ACP6: variants seen among roughly 807,000 people sequenced by gnomAD.
ACP6 encodes lysophosphatidic acid phosphatase type 6.
Under a neutral mutation model 48.1 loss-of-function variants are expected in ACP6, and 48 were observed. The observed-to-expected ratio is 1.00, with a 90% CI of 0.79 to 1.27. The LOEUF is 1.27. Ranked by LOEUF, ACP6 falls within the 50% of genes most tolerant of loss-of-function variation. The pLI is 0.00. For missense variants in ACP6, 485 were observed against 529.1 expected (o/e 0.92, Z 0.82); for synonymous variants, 172 against 204.2 (o/e 0.84, Z 1.34).
rs1659580004 is a variant in ACP6, at chr1:147,645,237, A to C, written c.*2186T>G. On this transcript the variant is annotated 3_prime_UTR_variant, in exon 10 of 10. Coordinates refer to ENST00000583509, the MANE Select transcript of ACP6 (RefSeq NM_016361.5). ...ATTATAATAATTTTATAAAAATATA[A>C]TAATTTTTGTATTTTTAGTAGAGGC... 6.6e-6 allele frequency: 1 copy of C among 151,492 alleles called. No homozygotes were observed. Among genetic ancestry groups the C allele is most frequent in the Non-Finnish European group, 1.5e-5 (1 of 67,912 alleles). The allele number at this position is 151,492 out of a possible 1,614,324, so 9.4% of individuals were successfully genotyped here. A position where few individuals can be genotyped will look rare whatever the true frequency, so the allele number is the denominator to read the frequency against.
At chr1:147,659,808 T>C in intron 1 of ACP6, 33 bp from the exon 2 acceptor site, 2 of 1,608,178 alleles carry the variant, frequency 1.2e-6, no homozygotes, top group Non-Finnish European at 1.7e-6. Flanking sequence ...CCACATTGTT[T>C]AAAAATGGTT....
intron 8 of ACP6, 114 bp from the exon 9 acceptor site, chr1:147,648,525 A>G: frequency 8.1e-7 from 1 of 1,239,056 alleles, no homozygotes; most frequent in South Asian, 1.4e-5. Context: ...TGACATCTAG[A>G]AATCAGCTGA....
In ACP6 at chr1:147,659,463, T is replaced by C. The variant is rs145712419; in HGVS notation, c.412A>G (p.Arg138Gly). The stretch of plus-strand genomic sequence containing the variant: ...TCTTCCACATAGTTCTTCCTCAGTC[T>C]CTCTCCCAAGGCAAACATTTGCTGC... ...GMQQMFALGE[R>G]LRKNYVEDIP... Residue 138 changes from arginine to glycine, a missense_variant, in exon 3 of 10, where the codon AGA (arginine) becomes GGA (glycine). By Grantham distance (125) the Arg-to-Gly change is moderately radical. Transcript: ENST00000583509. 5 of 1,614,056 alleles carry C rather than the reference T, an allele frequency of 3.1e-6. No individual in the cohort carries two copies. Among genetic ancestry groups the C allele is most frequent in the Non-Finnish European group, 4.2e-6 (5 of 1,180,030 alleles).
At chr1:147,657,901 C>T (rs965568893) in intron 4 of ACP6, among the ~76,000 whole-genome samples, 8 of 152,352 alleles carry the variant, frequency 5.3e-5, no homozygotes, top group Middle Eastern at 3.4e-3. Flanking sequence ...CAGTCTGGGA[C>T]CTGCCTAAAG....
rs1333529241 is a variant in ACP6, at chr1:147,643,540, G to A, written c.*3883C>T. 6.6e-6 allele frequency: 1 copy of A among 152,182 alleles called. No homozygotes were observed. Among genetic ancestry groups the A allele is most frequent in the East Asian group, 1.9e-4 (1 of 5,184 alleles). 9.4% of individuals were successfully genotyped at this position (152,182 alleles called of 1,614,324 possible). A position where few individuals can be genotyped will look rare whatever the true frequency, so the allele number is the denominator to read the frequency against. The stretch of plus-strand genomic sequence containing the variant: ...AGGGAGCTAGCCACGCAAATGTCTA[G>A]GAGAGCATTCCAGGCACAGGAACAA... On this transcript the variant is annotated 3_prime_UTR_variant, in exon 10 of 10. Transcript: ENST00000583509.
rs782778112 is a variant in ACP6, at chr1:147,646,380, G to C, written c.*1043C>G. On this transcript the variant is annotated 3_prime_UTR_variant, in exon 10 of 10. Coordinates refer to ENST00000583509, the MANE Select transcript of ACP6 (RefSeq NM_016361.5). ...CAGTGAAATCCAAGTGGATAAAAGT[G>C]TCTGAAGCTCAGAAGAGAAACCTGA... 1.3e-5 allele frequency: 2 copies of C among 152,176 alleles called. No homozygotes were observed. Among genetic ancestry groups the C allele is most frequent in the Non-Finnish European group, 2.9e-5 (2 of 68,054 alleles). 9.4% of individuals were successfully genotyped at this position (152,176 alleles called of 1,614,324 possible).
chr1:147,666,787 C>A (rs1255645935), intron 1 of ACP6, among the ~76,000 whole-genome samples: 2 of 152,162 alleles, frequency 1.3e-5, no homozygotes, highest in African/African-American at 2.4e-5. Flanking sequence ...GGTTAAGAAC[C>A]ATCGATCCTG....
chr1:147,649,198 G>A (rs79489938), intron 8 of ACP6, among the ~76,000 whole-genome samples: 2,036 of 152,282 alleles, frequency 0.013, 21 homozygotes, highest in African/African-American at 0.021. Flanking sequence ...TTCTAGCTGT[G>A]ATACCACAAC....
At chr1:147,642,120 T>G (rs1214251513), downstream of ACP6, 1 of 152,198 alleles carries the variant, frequency 6.6e-6, no homozygotes, top group Non-Finnish European at 1.5e-5. Context: ...AAATACGCTG[T>G]CAGAATTTGA....
intron 1 of ACP6, among the ~76,000 whole-genome samples, chr1:147,661,892 C>T (rs1439552559): frequency 6.6e-6 from 1 of 152,206 alleles, no homozygotes; most frequent in African/African-American, 2.4e-5. Flanking sequence ...GAGAGAAAGT[C>T]AATGCCTGGC....
At chr1:147,631,988 CAG>C (rs1426172828) in intron 5 of ACP6, among the ~76,000 whole-genome samples, 1 of 152,096 alleles carries the variant, frequency 6.6e-6, no homozygotes, top group East Asian at 1.9e-4. Context: ...CACTGTGCTC[CAG>C]CCGAACCATG....
In ACP6 at chr1:147,647,528, C is replaced by A. The variant is rs782438282; in HGVS notation, c.1182G>T (p.Pro394=). ...ACATGGCATTCAAGAACATGTCCAGCGGGCAGAGCCCATCAGGGCAACCTC... is the reference window on the plus strand; with the variant it reads ...ACATGGCATTCAAGAACATGTCCAGAGGGCAGAGCCCATCAGGGCAACCTC... ...VPRGCPDGLC[P]LDMFLNAMSV... is the part of the protein sequence containing the mutation. The change falls in exon 10 of 10, where the codon CCG becomes CCT. Residue 394 remains proline (P), a synonymous_variant. Transcript: ENST00000583509. The A allele has an allele frequency of 2.5e-6, 4 of 1,613,830 alleles. No homozygotes were observed. In the South Asian group the frequency reaches 4.4e-5, roughly 18 times the overall value.
chr1:147,641,095 C>T (rs1224788855), downstream of ACP6, among the ~76,000 whole-genome samples: 1 of 152,184 alleles, frequency 6.6e-6, no homozygotes, highest in Non-Finnish European at 1.5e-5. Flanking sequence ...CTTAGCCCAC[C>T]CCTCCCCCCA....
intron 5 of ACP6, among the ~76,000 whole-genome samples, chr1:147,632,492 G>A (rs1553207517): frequency 1.3e-5 from 2 of 151,864 alleles, no homozygotes; most frequent in Non-Finnish European, 2.9e-5. Context: ...TGGGGGTGGA[G>A]GACACACAGA....
chr1:147,639,364 A>T (rs111544077), downstream of ACP6, among the ~76,000 whole-genome samples: 1,196 of 152,020 alleles, frequency 7.9e-3, 15 homozygotes, highest in African/African-American at 0.027. Flanking sequence ...CCCCTTCCTG[A>T]TCTCTTCCAT....
intron 1 of ACP6, among the ~76,000 whole-genome samples, chr1:147,666,978 T>G (rs1362795798): frequency 6.6e-6 from 1 of 152,188 alleles, no homozygotes; most frequent in Non-Finnish European, 1.5e-5. Flanking sequence ...GACTTTATTT[T>G]ATAAAAACTG....
At chr1:147,650,011 G>A in intron 8 of ACP6, 132 bp downstream of exon 8, 1 of 680,726 alleles carries the variant, frequency 1.5e-6, no homozygotes, top group Non-Finnish European at 2.5e-6. Flanking sequence ...TTTGACACTT[G>A]AGGCCTGTTA....
intron 6 of ACP6, among the ~76,000 whole-genome samples, chr1:147,653,986 C>G (rs1209569714): frequency 3.3e-5 from 5 of 152,172 alleles, no homozygotes; most frequent in South Asian, 2.1e-4. Flanking sequence ...AAGCTCTGGT[C>G]TAGAGTTCAG....
At position 147,648,157 on chromosome 1, in the gene ACP6, C is replaced by T. The variant is rs1263898006; in HGVS notation, c.1143+89G>A. On this transcript the variant is annotated intron_variant, in intron 9 of 9. Transcript: ENST00000583509. ...TGTGCCAAGAGAGACTCCACTGGGC[C>T]TGAGGAGGGAGACTTGGTGCTAACT... 4 of 1,487,770 alleles carry T rather than the reference C, an allele frequency of 2.7e-6. No individual in the cohort carries two copies. In the East Asian group the frequency reaches 9.1e-5, roughly 34 times the overall value. The allele number at this position is 1,487,770 out of a possible 1,614,324, so 92.2% of individuals were successfully genotyped here. A position where few individuals can be genotyped will look rare whatever the true frequency, so the allele number is the denominator to read the frequency against.
Sources: gnomAD v4.1 joint callset for allele counts (sites outside exome capture counted in the v4.1 genomes callset) on GRCh38, gnomAD v4.1.1 for gene constraint, MANE v1.5 for transcripts, NCBI Gene and HGNC (gene_info 2026-07-23, HGNC 2026-07-21) for gene names.